Variants in RGS17 observed in about 807,000 individuals in gnomAD.
RGS17 encodes the protein regulator of G protein signaling 17.
A neutral mutation model predicts 25.5 loss-of-function variants in RGS17; 12 were observed. The observed-to-expected ratio is 0.47, with a 90% CI of 0.30 to 0.76. The LOEUF (loss-of-function observed/expected upper bound fraction) is 0.76, where lower values mean the gene tolerates loss of function less well. Ranked by LOEUF, RGS17 falls within the 30% of genes least tolerant of loss-of-function variation. The pLI, the probability that RGS17 is intolerant of heterozygous loss-of-function variation, is 0.07. For missense variants in RGS17, 196 were observed against 242.2 expected, an observed-to-expected ratio of 0.81 and a Z score of 1.27; for synonymous variants, 71 against 76.9, an observed-to-expected ratio of 0.92 and a Z score of 0.40.
intron 1 of RGS17, among the ~76,000 whole-genome samples, chr6:153,048,193 C>T (rs1009428356): frequency 1.3e-5 from 2 of 152,132 alleles, no homozygotes; most frequent in Non-Finnish European, 2.9e-5. Flanking sequence ...TTATCTTTTC[C>T]CAAAAACATG....
chr6:153,114,519 T>C (rs1279232543), intron 1 of RGS17, among the ~76,000 whole-genome samples: 1 of 152,112 alleles, frequency 6.6e-6, no homozygotes, highest in Non-Finnish European at 1.5e-5. Context: ...GGAGCTGATA[T>C]CATTTCTTCC....
At chr6:153,102,894 G>T (rs1050019758) in intron 1 of RGS17, among the ~76,000 whole-genome samples, 1 of 152,136 alleles carries the variant, frequency 6.6e-6, no homozygotes, top group African/African-American at 2.4e-5. Context: ...TTTAGTCACT[G>T]CCCTGATACT....
intron 1 of RGS17, among the ~76,000 whole-genome samples, chr6:153,085,065 CTCTTA>C (rs1417391209): frequency 6.6e-6 from 1 of 152,140 alleles, no homozygotes; most frequent in Non-Finnish European, 1.5e-5. Flanking sequence ...TCAGTCTTCT[CTCTTA>C]TATGTACTTT....
At chr6:153,028,085 C>G (rs901523234) in intron 2 of RGS17, among the ~76,000 whole-genome samples, 1 of 152,140 alleles carries the variant, frequency 6.6e-6, no homozygotes, top group Non-Finnish European at 1.5e-5. Context: ...CCTGAGAGAG[C>G]AGACTCACTG....
intron 1 of RGS17, among the ~76,000 whole-genome samples, chr6:153,097,856 G>A (rs2129122819): frequency 6.6e-6 from 1 of 152,254 alleles, no homozygotes; most frequent in East Asian, 1.9e-4. Context: ...GAGTGGTACA[G>A]GGTGATCTAA....
chr6:153,015,671 T>C (rs954485351), intron 4 of RGS17, among the ~76,000 whole-genome samples: 19 of 152,082 alleles, frequency 1.2e-4, no homozygotes, highest in Non-Finnish European at 2.4e-4. Context: ...TTTTTGTTTT[T>C]TTTTTTTAGT....
intron 1 of RGS17, among the ~76,000 whole-genome samples, chr6:153,100,372 T>A (rs191743859): frequency 4.0e-4 from 61 of 152,286 alleles, no homozygotes; most frequent in Admixed American, 4.0e-3. Flanking sequence ...CTGACATAAT[T>A]CTCCGTATCA....
intron 1 of RGS17, among the ~76,000 whole-genome samples, chr6:153,129,684 G>T (rs1490660186): frequency 6.6e-6 from 1 of 152,168 alleles, no homozygotes; most frequent in African/African-American, 2.4e-5. Context: ...TATTATTTGT[G>T]AAAGCCATCC....
At chr6:153,070,897 G>A (rs1475409598) in intron 1 of RGS17, among the ~76,000 whole-genome samples, 2 of 148,960 alleles carry the variant, frequency 1.3e-5, no homozygotes, top group Admixed American at 1.3e-4. Context: ...ATGTACATAT[G>A]CGTATATGTA....
At chr6:153,045,087 A>C (rs1198894847) in intron 1 of RGS17, among the ~76,000 whole-genome samples, 1 of 152,232 alleles carries the variant, frequency 6.6e-6, no homozygotes, top group African/African-American at 2.4e-5. Flanking sequence ...TTTTAAAATG[A>C]TATTTTCAGT....
chr6:153,092,979 A>T (rs967730618), intron 1 of RGS17, among the ~76,000 whole-genome samples: 3 of 152,310 alleles, frequency 2.0e-5, no homozygotes, highest in South Asian at 4.1e-4. Context: ...TTCCTCTATC[A>T]GGGGAGAGAG....
intron 1 of RGS17, among the ~76,000 whole-genome samples, chr6:153,053,999 TACATATATAC>T (rs757794548): frequency 0.23 from 13,753 of 58,732 alleles, 3,137 homozygotes; most frequent in Non-Finnish European, 0.29. Context: ...ATAATATATA[TACATATATAC>T]GTATATATGT....
chr6:153,119,972 A>G (rs774919034), intron 1 of RGS17, among the ~76,000 whole-genome samples: 65 of 152,320 alleles, frequency 4.3e-4, no homozygotes, highest in South Asian at 1.2e-3. Flanking sequence ...ACTGTCTTCC[A>G]GGTTAAGAAA....
chr6:153,124,123 A>C, intron 1 of RGS17, among the ~76,000 whole-genome samples: 1 of 152,184 alleles, frequency 6.6e-6, no homozygotes. Flanking sequence ...TCTATTGCTA[A>C]ACCCTAAGGA....
At chr6:153,020,111 A>AATATATATATATATAT (rs1779227259) in intron 4 of RGS17, among the ~76,000 whole-genome samples, 28 of 58,442 alleles carry the variant, frequency 4.8e-4, no homozygotes, top group Non-Finnish European at 6.9e-4. Flanking sequence ...AAAAAAAAAA[A>AATATATATATATATAT]ATATATATAT....
intron 1 of RGS17, among the ~76,000 whole-genome samples, chr6:153,052,449 G>A (rs1384576990): frequency 6.6e-6 from 1 of 151,988 alleles, no homozygotes; most frequent in Non-Finnish European, 1.5e-5. Context: ...CTGTAGTTTG[G>A]AAGCACATAA....
intron 1 of RGS17, among the ~76,000 whole-genome samples, chr6:153,081,029 T>A (rs973007711): frequency 6.6e-6 from 1 of 152,156 alleles, no homozygotes; most frequent in East Asian, 1.9e-4. Flanking sequence ...TGGCTCAGCA[T>A]CTATTGTGAT....
chr6:153,131,006 C>T (rs1777783559), intron 1 of RGS17, 118 bp downstream of exon 1: 1 of 151,700 alleles, frequency 6.6e-6, no homozygotes, highest in Non-Finnish European at 1.5e-5. Context: ...CGGTCGCGCT[C>T]TCCGCCCCCT....
chr6:153,063,116 C>T (rs745606122), intron 1 of RGS17, among the ~76,000 whole-genome samples: 19 of 152,128 alleles, frequency 1.2e-4, no homozygotes, highest in Non-Finnish European at 2.4e-4. Flanking sequence ...GGAGCCCAGG[C>T]AGTGACGACT....
Sources: gnomAD v4.1 joint callset for allele counts (sites outside exome capture counted in the v4.1 genomes callset) on GRCh38, gnomAD v4.1.1 for gene constraint, MANE v1.5 for transcripts, NCBI Gene and HGNC (gene_info 2026-07-23, HGNC 2026-07-21) for gene names.